PLA2G6: variants seen among roughly 807,000 people sequenced by gnomAD.
The protein encoded by PLA2G6 is phospholipase A2 group VI.
PLA2G6 carries 62 observed loss-of-function variants against 83.8 expected under a neutral mutation model. The ratio of observed to expected loss-of-function variants is 0.74; its 90% confidence interval spans 0.60 to 0.91. The LOEUF (loss-of-function observed/expected upper bound fraction) is 0.91. Ranked by LOEUF, PLA2G6 falls within the 40% of genes least tolerant of loss-of-function variation. The pLI, the probability that PLA2G6 is intolerant of heterozygous loss-of-function variation, is 0.00. For synonymous variants in PLA2G6, 417 were observed against 449.8 expected (o/e 0.93, Z 0.92); for missense variants, 944 against 1,102.0 (o/e 0.86, Z 2.03).
At chr22:38,122,756 A>G (rs528798461) in intron 11 of PLA2G6, among the ~76,000 whole-genome samples, 1 of 152,336 alleles carries the variant, frequency 6.6e-6, no homozygotes, top group African/African-American at 2.4e-5. Flanking sequence ...CCTTATGTGC[A>G]GCAGGCTGTG....
At chr22:38,138,654 GA>G (rs2145795812) in intron 5 of PLA2G6, 1 of 152,272 alleles carries the variant, frequency 6.6e-6, no homozygotes, top group East Asian at 1.9e-4. Context: ...ATTCATTCTA[GA>G]TGTTGTTCCT....
intron 2 of PLA2G6, among the ~76,000 whole-genome samples, chr22:38,164,642 G>A (rs761153718): frequency 1.4e-4 from 21 of 152,144 alleles, no homozygotes; most frequent in Non-Finnish European, 2.8e-4. Flanking sequence ...CCATCCCCCA[G>A]GTCCATCCAG....
chr22:38,140,993 C>T (rs2088868150), intron 4 of PLA2G6: 1 of 152,246 alleles, frequency 6.6e-6, no homozygotes, highest in South Asian at 2.1e-4. Flanking sequence ...GAGACCAAGA[C>T]CATCCTGGCG....
intron 5 of PLA2G6, chr22:38,136,291 A>C (rs1414862638): frequency 6.6e-6 from 1 of 152,182 alleles, no homozygotes; most frequent in Non-Finnish European, 1.5e-5. Context: ...TTGTACACTT[A>C]AAAGTGGTTA....
intron 9 of PLA2G6, chr22:38,127,180 C>G (rs2087911791): frequency 8.5e-7 from 1 of 1,181,140 alleles, no homozygotes; most frequent in Non-Finnish European, 1.1e-6. Flanking sequence ...AGTCTAGAAG[C>G]AGCAAAGCAG....
intron 14 of PLA2G6, chr22:38,113,905 A>C: frequency 1.7e-6 from 1 of 602,702 alleles, no homozygotes; most frequent in Non-Finnish European, 3.1e-6. Flanking sequence ...CCACACATAC[A>C]CCAGCTGCAA....
At chr22:38,139,708 T>A (rs2088779417) in intron 5 of PLA2G6, 6 of 401,550 alleles carry the variant, frequency 1.5e-5, no homozygotes, top group South Asian at 1.5e-4. Context: ...GTGTTGGGAT[T>A]ACAGGCGTGA....
chr22:38,180,897 C>T (rs147567686), intron 1 of PLA2G6, among the ~76,000 whole-genome samples: 1 of 152,232 alleles, frequency 6.6e-6, no homozygotes, highest in East Asian at 1.9e-4. Context: ...ATGCATTCAG[C>T]CCAAGGGTGC....
chr22:38,168,415 G>C (rs191732995), intron 2 of PLA2G6, among the ~76,000 whole-genome samples: 1 of 152,334 alleles, frequency 6.6e-6, no homozygotes, highest in African/African-American at 2.4e-5. Context: ...CCGTTGGCCC[G>C]GTTCCCTCAG....
In PLA2G6 at chr22:38,142,518, T is replaced by C. The variant is rs992308112; in HGVS notation, c.609+587A>G. 6 of 160,260 alleles carry C rather than the reference T, an allele frequency of 3.7e-5. No homozygotes were observed. In the South Asian group the frequency reaches 5.3e-4, roughly 14 times the overall value. The allele number at this position is 160,260 out of a possible 1,614,324, so 9.9% of individuals were successfully genotyped here. On this transcript the variant is annotated intron_variant, in intron 4 of 16. Coordinates refer to ENST00000332509, the MANE Select transcript of PLA2G6 (RefSeq NM_003560.4). ...TTGCTTGGTTTGAATTCCTGTAAAA[T>C]AGGGTTGTCCAATATTTTGGCCTCC...
At chr22:38,154,024 G>A (rs1270760733) in intron 2 of PLA2G6, among the ~76,000 whole-genome samples, 1 of 152,226 alleles carries the variant, frequency 6.6e-6, no homozygotes, top group African/African-American at 2.4e-5. Context: ...GGAAAGGGGA[G>A]GGAAGAGCAG....
In PLA2G6 at chr22:38,116,064, A is replaced by G. The variant is rs1569244216; in HGVS notation, c.1879+11T>C. On this transcript the variant is annotated intron_variant, in intron 13 of 16. Transcript: ENST00000332509. ...GTCGCTTCCCATGGATGCATCAAAC[A>G]TGGTTTAAACCTGAGGGCTGAGCTG... 3.7e-6 allele frequency: 6 copies of G among 1,613,314 alleles called. No homozygotes were observed. Among genetic ancestry groups the G allele is most frequent in the Non-Finnish European group, 5.1e-6 (6 of 1,179,804 alleles).
chr22:38,129,216 G>A (rs749678596), intron 8 of PLA2G6, among the ~76,000 whole-genome samples: 4 of 152,240 alleles, frequency 2.6e-5, no homozygotes, highest in Non-Finnish European at 4.4e-5. Flanking sequence ...GGTGGGGGGC[G>A]CTGCACGGGA....
intron 12 of PLA2G6, among the ~76,000 whole-genome samples, chr22:38,120,142 C>T (rs1019593182): frequency 6.6e-6 from 1 of 152,348 alleles, no homozygotes. Context: ...CAGCCCCGAA[C>T]GGGATGCATT....
intron 2 of PLA2G6, chr22:38,150,361 G>A (rs1236382810): frequency 1.3e-5 from 2 of 152,200 alleles, no homozygotes; most frequent in African/African-American, 2.4e-5. Context: ...CCATGGTGAC[G>A]ACTCTTGGTC....
chr22:38,143,344 G>T, intron 3 of PLA2G6, 56 bp from the exon 4 acceptor site: 1 of 1,547,682 alleles, frequency 6.5e-7, no homozygotes, highest in South Asian at 1.1e-5. Context: ...AAGGTGGCAG[G>T]GGGACCTAAG....
At chr22:38,126,272 G>C (rs754503637) in intron 10 of PLA2G6, 99 bp downstream of exon 10, 3 of 880,626 alleles carry the variant, frequency 3.4e-6, no homozygotes, top group Non-Finnish European at 5.8e-6. Context: ...CCGGCTGTGA[G>C]GGTGCAGAGA....
Position 38,145,605 on chromosome 22 carries a change from C to T in PLA2G6, c.258G>A (p.Gln86=), listed in dbSNP as rs761549151. 22 of 1,613,674 alleles carry T rather than the reference C, an allele frequency of 1.4e-5. No homozygotes were observed. Among genetic ancestry groups the T allele is most frequent in the Non-Finnish European group, 1.7e-5 (20 of 1,179,904 alleles). ...LEADALVNFH[Q]YSSQLLPFYE... is the part of the protein sequence containing the mutation. ...AGAAGGGTAGCAGCTGGGAAGAATA[C>T]TGATGGAAATTCACTAGGGCGTCAG... is the stretch of plus-strand genomic sequence containing the variant. Residue 86 remains glutamine (Q), a synonymous_variant, in exon 3 of 17, where the codon CAG becomes CAA. Transcript: ENST00000332509.
chr22:38,128,213 T>C lies in PLA2G6; in HGVS notation c.1348+56A>G. 2 of 1,569,588 alleles carry C rather than the reference T, an allele frequency of 1.3e-6. No homozygotes were observed. The highest frequency in any genetic ancestry group is 1.8e-6 in the Non-Finnish European group (2 of 1,141,422). On this transcript the variant is annotated intron_variant, in intron 9 of 16. Transcript: ENST00000332509. This position sits in a 1 kb window ranked among gnomAD's most constrained non-coding sequence, Gnocchi z 4.4. ...CCTGTTGCTTTGGTGGGGCCTGCTG[T>C]GATCCAGGGGCCTGGGAACCAGCTG... is the stretch of plus-strand genomic sequence containing the variant.
Sources: gnomAD v4.1 joint callset for allele counts (sites outside exome capture counted in the v4.1 genomes callset) on GRCh38, gnomAD v4.1.1 for gene constraint, Gnocchi (gnomAD v3.1) non-coding constraint, MANE v1.5 for transcripts, NCBI Gene and HGNC (gene_info 2026-07-23, HGNC 2026-07-21) for gene names.